The following CCBE1 variants were observed in gnomAD, a reference collection of about 807,000 sequenced individuals.
CCBE1 encodes collagen and calcium-binding EGF domain-containing protein 1.
Under a neutral mutation model 50.0 loss-of-function variants are expected in CCBE1, and 37 were observed. That is an observed-to-expected ratio of 0.74 (90% CI 0.57 to 0.97). The LOEUF is 0.97. CCBE1 is among the 50% of genes least tolerant of loss of function. The probability of loss-of-function intolerance (pLI) is 0.00; values close to 1 mark genes in which losing one functional copy is unlikely to be tolerated. For missense variants in CCBE1, 538 were observed against 523.8 expected (o/e 1.03, Z -0.26); for synonymous variants, 234 against 203.7 (o/e 1.15, Z -1.27).
intron 2 of CCBE1, among the ~76,000 whole-genome samples, chr18:59,546,363 T>G (rs756176035): frequency 6.6e-6 from 1 of 152,240 alleles, no homozygotes; most frequent in Non-Finnish European, 1.5e-5. Flanking sequence ...ACCTCCTACA[T>G]TGGCTCTGGG....
intron 2 of CCBE1, among the ~76,000 whole-genome samples, chr18:59,588,794 T>C (rs2053215640): frequency 6.6e-6 from 1 of 152,152 alleles, no homozygotes; most frequent in Non-Finnish European, 1.5e-5. Flanking sequence ...CCCAGCATTT[T>C]TCAGCTTCCC....
chr18:59,573,549 CT>C (rs1277965864), intron 2 of CCBE1, among the ~76,000 whole-genome samples: 1 of 151,882 alleles, frequency 6.6e-6, no homozygotes, highest in Non-Finnish European at 1.5e-5. Flanking sequence ...CTGAGGACTC[CT>C]GACCAACATA....
chr18:59,653,576 G>C (rs1285911521), intron 2 of CCBE1, among the ~76,000 whole-genome samples: 2 of 152,168 alleles, frequency 1.3e-5, no homozygotes, highest in Non-Finnish European at 2.9e-5. Context: ...CATGATTTCT[G>C]CTGAGGAAAT....
chr18:59,559,751 G>T (rs2052707941), intron 2 of CCBE1, among the ~76,000 whole-genome samples: 1 of 152,230 alleles, frequency 6.6e-6, no homozygotes. Context: ...GCCAGTCAGT[G>T]GAAGTGAAAC....
chr18:59,594,802 C>G (rs1481867695), intron 2 of CCBE1, among the ~76,000 whole-genome samples: 1 of 152,014 alleles, frequency 6.6e-6, no homozygotes, highest in East Asian at 1.9e-4. Flanking sequence ...GAGACAGTCC[C>G]TAAGGAAGTC....
chr18:59,559,407 A>AGT (rs2052701342), intron 2 of CCBE1, among the ~76,000 whole-genome samples: 1 of 152,176 alleles, frequency 6.6e-6, no homozygotes, highest in Non-Finnish European at 1.5e-5. Flanking sequence ...GAGGCCCCCT[A>AGT]CTGTGGTGGA....
chr18:59,649,638 C>G (rs1448231894), intron 2 of CCBE1, among the ~76,000 whole-genome samples: 1 of 152,246 alleles, frequency 6.6e-6, no homozygotes, highest in African/African-American at 2.4e-5. Flanking sequence ...ATTCCTCATT[C>G]TTGCTGAATC....
intron 2 of CCBE1, among the ~76,000 whole-genome samples, chr18:59,489,505 C>A (rs1363060073): frequency 6.6e-6 from 1 of 152,166 alleles, no homozygotes; most frequent in Non-Finnish European, 1.5e-5. Context: ...CCTCTACCTC[C>A]TGGGTTCAAG....
At chr18:59,589,676 G>A (rs1358404306) in intron 2 of CCBE1, among the ~76,000 whole-genome samples, 3 of 151,324 alleles carry the variant, frequency 2.0e-5, no homozygotes, top group Non-Finnish European at 2.9e-5. Flanking sequence ...GTGGGTGCCT[G>A]TAGTCCCAGC....
intron 2 of CCBE1, among the ~76,000 whole-genome samples, chr18:59,562,953 G>T (rs1382506925): frequency 6.6e-6 from 1 of 152,176 alleles, no homozygotes; most frequent in African/African-American, 2.4e-5. Context: ...TTCAGGGAAT[G>T]GACTCTTCCA....
intron 2 of CCBE1, among the ~76,000 whole-genome samples, chr18:59,527,799 T>C (rs1424933023): frequency 6.6e-6 from 1 of 152,238 alleles, no homozygotes; most frequent in Admixed American, 6.5e-5. Flanking sequence ...AAAGGTTGAA[T>C]ACTGGCCCCT....
chr18:59,600,543 T>C (rs1320054333), intron 2 of CCBE1, among the ~76,000 whole-genome samples: 2 of 152,070 alleles, frequency 1.3e-5, no homozygotes, highest in African/African-American at 4.8e-5. Context: ...CCAAAAAAGG[T>C]TGGGGACCAC....
chr18:59,677,513 C>CT (rs1265718420), intron 2 of CCBE1, among the ~76,000 whole-genome samples: 1 of 152,026 alleles, frequency 6.6e-6, no homozygotes, highest in Non-Finnish European at 1.5e-5. Flanking sequence ...TCCCAAGATC[C>CT]TTTCTCAGGA....
chr18:59,463,240 G>A (rs1177163812), intron 5 of CCBE1, among the ~76,000 whole-genome samples: 2 of 152,150 alleles, frequency 1.3e-5, no homozygotes, highest in African/African-American at 4.8e-5. Context: ...GGAGGCACAG[G>A]TGACTGTCTC....
intron 2 of CCBE1, among the ~76,000 whole-genome samples, chr18:59,589,474 A>G (rs769001525): frequency 9.9e-5 from 15 of 152,262 alleles, no homozygotes; most frequent in African/African-American, 1.9e-4. Flanking sequence ...CCAAAAGACA[A>G]TAACAGAATA....
rs191838240 is a variant in CCBE1 at position 59,485,926 on chromosome 18, G to T, written c.213-5688C>A. ...AGATTTTTTTTTTTTTAATGAGAGAGAAAACTGCATGTTTGAGAGTATTTG... is the reference window on the plus strand; with the variant it reads ...AGATTTTTTTTTTTTTAATGAGAGATAAAACTGCATGTTTGAGAGTATTTG... On this transcript the variant is annotated intron_variant, in intron 2 of 10. Transcript: ENST00000439986. Among the ~76,000 whole-genome samples, 28 of 151,540 alleles carry T rather than the reference G, an allele frequency of 1.8e-4. 1 individual carries two copies. Among genetic ancestry groups the T allele is most frequent in the Non-Finnish European group, 3.5e-4 (24 of 67,912 alleles).
chr18:59,508,702 A>G (rs919319729), intron 2 of CCBE1, among the ~76,000 whole-genome samples: 1 of 145,586 alleles, frequency 6.9e-6, no homozygotes, highest in Non-Finnish European at 1.5e-5. Context: ...GTACACACAT[A>G]GAGTTACGCT....
At chr18:59,592,132 G>C (rs969365823) in intron 2 of CCBE1, among the ~76,000 whole-genome samples, 1 of 152,146 alleles carries the variant, frequency 6.6e-6, no homozygotes, top group Non-Finnish European at 1.5e-5. Flanking sequence ...GCTTAGGCAG[G>C]AGGACCACTT....
At chr18:59,584,949 G>T (rs2144520336) in intron 2 of CCBE1, among the ~76,000 whole-genome samples, 1 of 152,220 alleles carries the variant, frequency 6.6e-6, no homozygotes, top group East Asian at 1.9e-4. Flanking sequence ...TGACTCTCCT[G>T]CTTGAGATTG....
Sources: gnomAD v4.1 joint callset for allele counts (sites outside exome capture counted in the v4.1 genomes callset) on GRCh38, gnomAD v4.1.1 for gene constraint, MANE v1.5 for transcripts, NCBI Gene and HGNC (gene_info 2026-07-23, HGNC 2026-07-21) for gene names.